The following IFT172 variants were observed in gnomAD, a reference collection of about 807,000 sequenced individuals.
The protein encoded by IFT172 is intraflagellar transport protein 172 homolog.
In IFT172, 164 loss-of-function variants were observed where a neutral mutation model predicts 248.9. The ratio of observed to expected loss-of-function variants is 0.66; its 90% confidence interval spans 0.58 to 0.75. The LOEUF (loss-of-function observed/expected upper bound fraction) is 0.75, where lower values mean the gene tolerates loss of function less well. IFT172 is among the 30% of genes least tolerant of loss of function. IFT172 has a pLI of 0.00. For missense variants in IFT172, 1,950 were observed against 2,192.4 expected (o/e 0.89, Z 2.21); for synonymous variants, 729 against 791.6 (o/e 0.92, Z 1.33).
rs1322032604 is a variant in IFT172 at position 27,445,344 on chromosome 2, G to C, written c.5020C>G (p.Leu1674Val). The change falls in exon 46 of 48, where the codon CTA (leucine) becomes GTA (valine). Residue 1674 changes from leucine (L) to valine (V), a missense_variant. Leu to Val is a conservative substitution (Grantham distance 32). Around this residue, in one of 3 missense-constraint regions of IFT172, gnomAD observed 620 missense variants for 699.0 expected, o/e 0.89. Transcript: ENST00000260570. The surrounding 1 kb of genome is among the most constrained non-coding windows in gnomAD (Gnocchi z 4.4). The part of the protein sequence containing the change: ...RDERGAYEAS[L>V]VAASTGVRAL... ...CGAACACCAGTGCTCGCTGCCACTAGGGAGGCCTCGTAGGCGCCACGCTCA... is the reference window on the plus strand; with the variant it reads ...CGAACACCAGTGCTCGCTGCCACTACGGAGGCCTCGTAGGCGCCACGCTCA... The C allele has an allele frequency of 6.2e-7, 1 of 1,613,474 alleles. No homozygotes were observed.
In IFT172 at chr2:27,465,741, C is replaced by T; in HGVS notation, c.1829+5G>A. On this transcript the variant is annotated splice_donor_5th_base_variant and intron_variant, in intron 17 of 47. Coordinates refer to ENST00000260570, the MANE Select transcript of IFT172 (RefSeq NM_015662.3). ...CACCTCACTGGTTATTGGCCAGCCT[C>T]TCACCGGATGTAGTTGCCATCATCA... 6.2e-7 allele frequency: 1 copy of T among 1,614,124 alleles called. No individual in the cohort carries two copies. Among genetic ancestry groups the T allele is most frequent in the Non-Finnish European group, 8.5e-7 (1 of 1,180,026 alleles).
rs1667018977 is a variant in IFT172, at chr2:27,465,511, C to A, written c.1837G>T (p.Ala613Ser). 1 of 1,613,930 alleles carries A rather than the reference C, an allele frequency of 6.2e-7. No homozygotes were observed. The highest frequency in any genetic ancestry group is 1.7e-5 in the Admixed American group (1 of 59,990). Residue 613 changes from alanine (A) to serine (S), a missense_variant, in exon 18 of 48, where the codon GCC becomes TCC. By Grantham distance (99) the Ala-to-Ser change is moderately conservative (BLOSUM62 1). Transcript: ENST00000260570. ...GTCATTTCCAGAGTCTCTAAGAAGGCTGTTGCCCTGGAAAGGGAAGGAAGC... is the reference window on the plus strand; with the variant it reads ...GTCATTTCCAGAGTCTCTAAGAAGGATGTTGCCCTGGAAAGGGAAGGAAGC... Reference protein sequence around the residue: ...IDDGNYIRATAFLETLEMTPE... With the variant: ...IDDGNYIRATSFLETLEMTPE...
rs766104575 is a variant in IFT172 at position 27,457,907 on chromosome 2, G to T, written c.3045C>A (p.Asp1015Glu). The T allele has an allele frequency of 4.6e-5, 74 of 1,614,090 alleles. No individual in the cohort carries two copies. Among genetic ancestry groups the T allele is most frequent in the Non-Finnish European group, 6.0e-5 (71 of 1,180,028 alleles). ...TMYKKHKLYD[D>E]MIRLVGKHHP... The stretch of plus-strand genomic sequence containing the variant: ...GGTGCTTCCCTACCAGGCGGATCAT[G>T]TCATCATACAACTTGTGCTTTTTGT... Residue 1015 changes from aspartate to glutamate, a missense_variant, in exon 28 of 48, where the codon GAC becomes GAA. Physicochemically the swap from Asp to Glu is conservative, Grantham distance 45 (BLOSUM62 2). This residue lies in a region of IFT172 where 164 missense variants were observed against 239.3 expected (regional missense o/e 0.69). Transcript: ENST00000260570.
At chr2:27,446,992 C>T (rs910065968) in intron 42 of IFT172, among the ~76,000 whole-genome samples, 1 of 152,042 alleles carries the variant, frequency 6.6e-6, no homozygotes, top group Non-Finnish European at 1.5e-5. Flanking sequence ...AGCCACCGCG[C>T]CCGGCCAACC....
At chr2:27,455,894 T>A in intron 30 of IFT172, 1 of 368,562 alleles carries the variant, frequency 2.7e-6, no homozygotes, top group South Asian at 2.3e-5. Context: ...ATAAAATGCT[T>A]CACGGACTCT....
intron 11 of IFT172, 31 bp from the exon 12 acceptor site, chr2:27,477,643 TG>T: frequency 6.9e-7 from 1 of 1,444,862 alleles, no homozygotes. Flanking sequence ...AGAAGCAATG[TG>T]GATAAATACC....
chr2:27,464,511 G>A (rs1297036519), intron 18 of IFT172, among the ~76,000 whole-genome samples: 1 of 152,000 alleles, frequency 6.6e-6, no homozygotes. Context: ...ACCAAACCTG[G>A]ATTATACACA....
At chr2:27,483,001 C>CTTTTT (rs10651081) in intron 7 of IFT172, among the ~76,000 whole-genome samples, 1 of 123,774 alleles carries the variant, frequency 8.1e-6, no homozygotes, top group Non-Finnish European at 1.6e-5. Context: ...TCCACAGCAT[C>CTTTTT]TTTTTTTTTT....
chr2:27,470,545 G>A (rs1282623502), intron 16 of IFT172, among the ~76,000 whole-genome samples: 1 of 152,110 alleles, frequency 6.6e-6, no homozygotes, highest in Non-Finnish European at 1.5e-5. Flanking sequence ...GTTGTGGTAG[G>A]ACAGGAGAGA....
rs766057424 is a variant in IFT172 at position 27,460,905 on chromosome 2, C to T, written c.2521+110G>A. The T allele has an allele frequency of 7.9e-5, 91 of 1,151,372 alleles. 1 individual carries two copies. The African/African-American group carries it at 1.1e-3, about 14-fold the overall frequency. 71.3% of individuals were successfully genotyped at this position (1,151,372 alleles called of 1,614,324 possible). ...TTTCCAAATCTCTCGTCCCACCTTACGAGAAACACCCACAGGTGTGTAGGG... is the reference window on the plus strand; with the variant it reads ...TTTCCAAATCTCTCGTCCCACCTTATGAGAAACACCCACAGGTGTGTAGGG... On this transcript the variant is annotated intron_variant, in intron 23 of 47. Coordinates refer to ENST00000260570, the MANE Select transcript of IFT172 (RefSeq NM_015662.3).
Position 27,489,599 on chromosome 2 carries a change from G to C in IFT172, c.39+16C>G. 6.2e-7 allele frequency: 1 copy of C among 1,601,376 alleles called. No homozygotes were observed. On this transcript the variant is annotated intron_variant, in intron 1 of 47. Coordinates refer to ENST00000260570, the MANE Select transcript of IFT172 (RefSeq NM_015662.3). ...CATAAAGCATAAGGGGGAGGGACTGGCACGCAATTCCTCACCTGAGGGCTC... is the reference window on the plus strand; with the variant it reads ...CATAAAGCATAAGGGGGAGGGACTGCCACGCAATTCCTCACCTGAGGGCTC...
At chr2:27,482,025 C>T (rs1158885502) in intron 7 of IFT172, among the ~76,000 whole-genome samples, 6 of 151,480 alleles carry the variant, frequency 4.0e-5, no homozygotes, top group South Asian at 2.1e-4. Context: ...ACTCTGTCGC[C>T]GGGGCTGCAG....
chr2:27,455,386 A>G, intron 30 of IFT172: 1 of 263,234 alleles, frequency 3.8e-6, no homozygotes, highest in South Asian at 3.7e-5. Flanking sequence ...TCAGCCCCAG[A>G]TTTGATGTGC....
chr2:27,476,719 T>G lies in IFT172; in HGVS notation c.1333A>C (p.Ile445Leu), dbSNP rs956566812. 6.2e-7 allele frequency: 1 copy of G among 1,611,756 alleles called. No individual in the cohort carries two copies. The highest frequency in any genetic ancestry group is 1.3e-5 in the African/African-American group (1 of 74,876). Residue 445 changes from isoleucine (I) to leucine (L), a missense_variant, in exon 14 of 48, where the codon ATT becomes CTT. Coordinates refer to ENST00000260570, the MANE Select transcript of IFT172 (RefSeq NM_015662.3). ...FMNPHLISVRINERCQRGTED... is the reference protein window; with the variant it reads ...FMNPHLISVRLNERCQRGTED... ...GTTCCTCGCTGACACCTCTCATTAA[T>G]ACGAACACTGAAACATGAAGGGTGA...
At chr2:27,463,529 CTTTTTTTTTTT>C (rs35768559) in intron 18 of IFT172, among the ~76,000 whole-genome samples, 1 of 129,730 alleles carries the variant, frequency 7.7e-6, no homozygotes, top group African/African-American at 2.9e-5. Flanking sequence ...ATTCTTTTCT[CTTTTTTTTTTT>C]TTTTTTTTAA....
At chr2:27,484,986 G>C in intron 3 of IFT172, 32 bp downstream of exon 3, 1 of 1,238,236 alleles carries the variant, frequency 8.1e-7, no homozygotes, top group South Asian at 1.2e-5. Flanking sequence ...CTTCTTTCCT[G>C]GGCCATCCCA....
At chr2:27,453,141 A>T in intron 35 of IFT172, 1 of 647,408 alleles carries the variant, frequency 1.5e-6, no homozygotes, top group Non-Finnish European at 2.9e-6. Flanking sequence ...CAGATATGAT[A>T]GTAATTGAGC....
chr2:27,444,918 G>T (rs1664911893), intron 47 of IFT172, 96 bp downstream of exon 47: 4 of 1,350,628 alleles, frequency 3.0e-6, no homozygotes, highest in African/African-American at 1.5e-5. Context: ...CAAAGTGCTG[G>T]GATTAAAGGT....
rs758542768 is a variant in IFT172, at chr2:27,465,767, A to G, written c.1808T>C (p.Ile603Thr). 6.2e-6 allele frequency: 10 copies of G among 1,614,112 alleles called. No individual in the cohort carries two copies. In the South Asian group the frequency reaches 8.8e-5, roughly 14 times the overall value. The change falls in exon 17 of 48, where the codon ATT becomes ACT. Residue 603 changes from isoleucine (I) to threonine (T), a missense_variant. Physicochemically the swap from Ile to Thr is moderately conservative, Grantham distance 89. Transcript: ENST00000260570. ...DEGLIEFGTA[I>T]DDGNYIRATA... ...TCACCGGATGTAGTTGCCATCATCA[A>G]TGGCTGTTCCAAACTCGATGAGGCC...
Sources: gnomAD v4.1 joint callset for allele counts (sites outside exome capture counted in the v4.1 genomes callset) on GRCh38, gnomAD v4.1.1 for gene constraint, gnomAD v4.1.1 regional missense constraint, Gnocchi (gnomAD v3.1) non-coding constraint, MANE v1.5 for transcripts, NCBI Gene and HGNC (gene_info 2026-07-23, HGNC 2026-07-21) for gene names.